Variants in ADAMTS12 observed in about 807,000 individuals in gnomAD.
ADAMTS12 encodes the protein ADAM metallopeptidase with thrombospondin type 1 motif 12, also known as A disintegrin and metalloproteinase with thrombospondin motifs 12.
Under a neutral mutation model 167.8 loss-of-function variants are expected in ADAMTS12, and 118 were observed. The ratio of observed to expected loss-of-function variants is 0.70; its 90% CI spans 0.61 to 0.82. ADAMTS12 has a LOEUF of 0.82. Ranked by LOEUF, ADAMTS12 falls within the 40% of genes least tolerant of loss-of-function variation. ADAMTS12 has a pLI of 0.00. For missense variants in ADAMTS12, 1,916 were observed against 1,998.8 expected (o/e 0.96, Z 0.79); for synonymous variants, 704 against 716.9 (o/e 0.98, Z 0.29).
chr5:33,636,843 T>C (rs1420274549), intron 12 of ADAMTS12, among the ~76,000 whole-genome samples: 1 of 152,234 alleles, frequency 6.6e-6, no homozygotes, highest in Non-Finnish European at 1.5e-5. Flanking sequence ...CATTGATTCT[T>C]CTTCATTTTA....
chr5:33,751,692 G>T, intron 2 of ADAMTS12, 144 bp from the exon 3 acceptor site: 1 of 717,376 alleles, frequency 1.4e-6, no homozygotes, highest in Non-Finnish European at 2.3e-6. Flanking sequence ...TCTCATAGAA[G>T]AGTTACATAC....
intron 2 of ADAMTS12, among the ~76,000 whole-genome samples, chr5:33,865,551 A>T (rs556134070): frequency 1.3e-5 from 2 of 152,238 alleles, no homozygotes; most frequent in African/African-American, 4.8e-5. Context: ...CCTCTGAGAA[A>T]TGGAACAAGA....
At chr5:33,687,842 A>T (rs1318089212) in intron 3 of ADAMTS12, among the ~76,000 whole-genome samples, 3 of 152,136 alleles carry the variant, frequency 2.0e-5, no homozygotes, top group Non-Finnish European at 4.4e-5. Context: ...TTTATCTCTA[A>T]AGCTGATGAC....
intron 9 of ADAMTS12, among the ~76,000 whole-genome samples, chr5:33,645,435 G>T (rs1156781952): frequency 6.6e-6 from 1 of 152,084 alleles, no homozygotes; most frequent in Non-Finnish European, 1.5e-5. Context: ...TTCATGCAAA[G>T]GTCTCAGTTC....
At chr5:33,873,785 T>C (rs1354802420) in intron 2 of ADAMTS12, among the ~76,000 whole-genome samples, 1 of 152,022 alleles carries the variant, frequency 6.6e-6, no homozygotes, top group Non-Finnish European at 1.5e-5. Context: ...TTTGACAAAG[T>C]GGGAAAGGCA....
chr5:33,699,959 G>A (rs371011971), intron 3 of ADAMTS12, among the ~76,000 whole-genome samples: 65 of 152,232 alleles, frequency 4.3e-4, no homozygotes, highest in African/African-American at 1.5e-3. Flanking sequence ...AACATCATTA[G>A]CTATCAGGGA....
intron 6 of ADAMTS12, 144 bp from the exon 7 acceptor site, chr5:33,658,477 C>T (rs1741141302): frequency 5.7e-6 from 5 of 880,814 alleles, no homozygotes; most frequent in Non-Finnish European, 8.3e-6. Flanking sequence ...TGAATGTAGG[C>T]AGCAATTTTG....
chr5:33,791,037 G>A (rs984187558), intron 2 of ADAMTS12, among the ~76,000 whole-genome samples: 1 of 151,954 alleles, frequency 6.6e-6, no homozygotes, highest in Non-Finnish European at 1.5e-5. Flanking sequence ...CATGATGAAA[G>A]CAATCTAGCC....
In ADAMTS12 at chr5:33,680,304, A is replaced by G. The variant is rs528016314; in HGVS notation, c.915+2714T>C. Among the ~76,000 whole-genome samples, 7 of 152,288 alleles carry G rather than the reference A, an allele frequency of 4.6e-5. No homozygotes were observed. The South Asian group carries it at 6.2e-4, about 14-fold the overall frequency. On this transcript the variant is annotated intron_variant, in intron 5 of 23. Transcript: ENST00000504830. ...TTCAAACAACTTCACTGGCATCAAC[A>G]TGCCATGGAGATGCCCTGGTGACAT...
rs1437207636 is a variant in ADAMTS12 at position 33,525,985 on chromosome 5, T to G, written c.*1203A>C. The G allele has an allele frequency of 1.3e-5, 2 of 152,212 alleles. No homozygotes were observed. The highest frequency in any genetic ancestry group is 1.3e-4 in the Admixed American group (2 of 15,268). 9.4% of individuals were successfully genotyped at this position (152,212 alleles called of 1,614,324 possible). ...CATTCTAACTTTCATTTCAGTTTCT[T>G]TGGACTCCCTGATTCACCTGTTCTC... On this transcript the variant is annotated 3_prime_UTR_variant, in exon 24 of 24. Coordinates refer to ENST00000504830, the MANE Select transcript of ADAMTS12 (RefSeq NM_030955.4).
intron 19 of ADAMTS12, among the ~76,000 whole-genome samples, chr5:33,570,093 A>G (rs888267661): frequency 6.6e-6 from 1 of 152,256 alleles, no homozygotes; most frequent in African/African-American, 2.4e-5. Context: ...ATATGGGACT[A>G]TGTGAAAAGA....
chr5:33,658,302 A>T lies in ADAMTS12; in HGVS notation c.1072T>A (p.Cys358Ser). The part of the protein sequence containing the change: ...KDICAGFNRP[C>S]ETLGLSHLSG... ...AGGTGAGACAGGCCCAGGGTCTCGC[A>T]GGGGCGATTGAAACCAGCACAGATG... The change falls in exon 7 of 24, where the codon TGC (cysteine) becomes AGC (serine). Residue 358 changes from cysteine (C) to serine (S), a missense_variant. Transcript: ENST00000504830. 6.2e-7 allele frequency: 1 copy of T among 1,613,698 alleles called. No individual in the cohort carries two copies. The highest frequency in any genetic ancestry group is 8.5e-7 in the Non-Finnish European group (1 of 1,179,664).
At chr5:33,732,524 T>A (rs1367372559) in intron 3 of ADAMTS12, among the ~76,000 whole-genome samples, 1 of 152,202 alleles carries the variant, frequency 6.6e-6, no homozygotes, top group Non-Finnish European at 1.5e-5. Context: ...AGAAGAATTA[T>A]CAGTGGTTCA....
intron 12 of ADAMTS12, among the ~76,000 whole-genome samples, chr5:33,631,345 G>A (rs1197325230): frequency 6.6e-6 from 1 of 152,014 alleles, no homozygotes; most frequent in East Asian, 1.9e-4. Context: ...GACCTCCAGG[G>A]GACAGGCATC....
intron 5 of ADAMTS12, among the ~76,000 whole-genome samples, chr5:33,676,791 C>G (rs1428835570): frequency 6.6e-6 from 1 of 150,930 alleles, no homozygotes; most frequent in Non-Finnish European, 1.5e-5. Flanking sequence ...CAATACAGAC[C>G]CACACATCAG....
chr5:33,533,756 C>A (rs1329855698), intron 23 of ADAMTS12, among the ~76,000 whole-genome samples: 1 of 152,116 alleles, frequency 6.6e-6, no homozygotes, highest in Non-Finnish European at 1.5e-5. Context: ...ACCTGTAGAG[C>A]AAACCAATCA....
chr5:33,572,017 C>T (rs974505191), intron 19 of ADAMTS12, among the ~76,000 whole-genome samples: 27 of 152,100 alleles, frequency 1.8e-4, no homozygotes, highest in Admixed American at 5.9e-4. Context: ...ATAAATTCCT[C>T]GACACATACA....
At chr5:33,851,962 C>A (rs1268566864) in intron 2 of ADAMTS12, among the ~76,000 whole-genome samples, 4 of 152,230 alleles carry the variant, frequency 2.6e-5, no homozygotes, top group African/African-American at 9.6e-5. Context: ...GGAAGCTCTG[C>A]CATGAGTGGC....
intron 17 of ADAMTS12, among the ~76,000 whole-genome samples, chr5:33,591,394 G>T (rs1747631879): frequency 6.6e-6 from 1 of 152,158 alleles, no homozygotes; most frequent in South Asian, 2.1e-4. Flanking sequence ...AACTGAATTT[G>T]TTAAACCCTT....
Sources: gnomAD v4.1 joint callset for allele counts (sites outside exome capture counted in the v4.1 genomes callset) on GRCh38, gnomAD v4.1.1 for gene constraint, MANE v1.5 for transcripts, NCBI Gene and HGNC (gene_info 2026-07-23, HGNC 2026-07-21) for gene names.